RXRA: variants seen among roughly 807,000 people sequenced by gnomAD.
RXRA encodes the protein retinoic acid receptor RXR-alpha.
In RXRA, 5 loss-of-function variants were observed where a neutral mutation model predicts 44.5. That is an observed-to-expected ratio of 0.11 (90% CI 0.06 to 0.24). RXRA has a LOEUF of 0.24. RXRA is among the 10% of genes least tolerant of loss of function. The pLI, the probability that RXRA is intolerant of heterozygous loss-of-function variation, is 1.00. For missense variants in RXRA, 412 were observed against 646.5 expected (o/e 0.64, Z 3.93); for synonymous variants, 291 against 271.4 (o/e 1.07, Z -0.71).
At chr9:134,370,854 G>C (rs114350004) in intron 1 of RXRA, among the ~76,000 whole-genome samples, 2 of 152,232 alleles carry the variant, frequency 1.3e-5, no homozygotes, top group African/African-American at 4.8e-5. Context: ...AGGAGAGAAC[G>C]CTGCCAAGAG....
chr9:134,381,799 G>A (rs1406926736), intron 1 of RXRA, among the ~76,000 whole-genome samples: 2 of 152,116 alleles, frequency 1.3e-5, no homozygotes, highest in East Asian at 1.9e-4. Context: ...CGACCTCCCC[G>A]GGGTGCCCAG....
intron 1 of RXRA, among the ~76,000 whole-genome samples, chr9:134,369,654 C>A (rs1244010285): frequency 6.6e-6 from 1 of 152,154 alleles, no homozygotes; most frequent in South Asian, 2.1e-4. Flanking sequence ...GGGCCTCCTC[C>A]CTGTGGGCAT....
intron 1 of RXRA, among the ~76,000 whole-genome samples, chr9:134,360,578 G>A (rs558472313): frequency 9.9e-5 from 15 of 152,268 alleles, no homozygotes; most frequent in African/African-American, 2.7e-4. Flanking sequence ...CAGGTCGCTC[G>A]CGGTTACCTG....
chr9:134,377,951 G>A (rs377544348), intron 1 of RXRA, among the ~76,000 whole-genome samples: 72 of 152,354 alleles, frequency 4.7e-4, no homozygotes, highest in South Asian at 2.5e-3. Flanking sequence ...AGGTGTGTGC[G>A]GAAGGGCCGA....
chr9:134,333,357 G>C (rs73567677), intron 1 of RXRA, among the ~76,000 whole-genome samples: 13,410 of 152,224 alleles, frequency 0.088, 707 homozygotes, highest in Admixed American at 0.15. Flanking sequence ...CCCAGAGGCC[G>C]TGCCTGGCCT....
intron 1 of RXRA, among the ~76,000 whole-genome samples, chr9:134,352,446 T>C (rs1315641428): frequency 6.6e-6 from 1 of 152,070 alleles, no homozygotes; most frequent in African/African-American, 2.4e-5. Flanking sequence ...AGGCCCCAGG[T>C]GGGCAGCACA....
chr9:134,359,181 C>T (rs768373329), intron 1 of RXRA, among the ~76,000 whole-genome samples: 4 of 151,930 alleles, frequency 2.6e-5, no homozygotes, highest in South Asian at 2.1e-4. Context: ...TCTGAGGGCA[C>T]GGAGAGTGAG....
In RXRA at chr9:134,352,540, G is replaced by A. The variant is rs187635733; in HGVS notation, c.28+25881G>A. On this transcript the variant is annotated intron_variant, in intron 1 of 9. Transcript: ENST00000481739. ...GTGGTCACCCGGCAGTGTGCAGACT[G>A]TGTGGGAACTGGCGTCTGTCCGGAC... Among the ~76,000 whole-genome samples, 1,034 of 152,316 alleles carry A rather than the reference G, an allele frequency of 6.8e-3. 43 individuals are homozygous for A. Among genetic ancestry groups the A allele is most frequent in the Admixed American group, 0.061 (929 of 15,304 alleles).
chr9:134,333,616 C>G (rs182767446), intron 1 of RXRA, among the ~76,000 whole-genome samples: 2 of 152,138 alleles, frequency 1.3e-5, no homozygotes, highest in Non-Finnish European at 2.9e-5. Context: ...GTGCGGCCGC[C>G]GGCTGTAATG....
At position 134,426,190 on chromosome 9, in the gene RXRA, G is replaced by A. The variant is rs1831431850; in HGVS notation, c.911-2918G>A. The A allele has an allele frequency of 1.6e-5, 16 of 985,390 alleles. No individual in the cohort carries two copies. Among genetic ancestry groups the A allele is most frequent in the Non-Finnish European group, 1.9e-5 (16 of 829,906 alleles). The allele number at this position is 985,390 out of a possible 1,614,324, so 61.0% of individuals were successfully genotyped here. A position where few individuals can be genotyped will look rare whatever the true frequency, so the allele number is the denominator to read the frequency against. On this transcript the variant is annotated intron_variant, in intron 6 of 9. Transcript: ENST00000481739. The surrounding 1 kb of genome is among the most constrained non-coding windows in gnomAD (Gnocchi z 4.6). The stretch of plus-strand genomic sequence containing the variant: ...CGCTTGGAGCCTGGAGTAAGACCTG[G>A]TATCCTCTGCATCACTGAGGTCCTC...
At chr9:134,413,184 C>T (rs981831497) in intron 4 of RXRA, among the ~76,000 whole-genome samples, 2 of 152,134 alleles carry the variant, frequency 1.3e-5, no homozygotes, top group Non-Finnish European at 2.9e-5. Flanking sequence ...TCAGGAAGAC[C>T]CCTGCGAGCT....
Position 134,366,313 on chromosome 9 carries a change from C to A in RXRA, c.29-35319C>A, listed in dbSNP as rs565574579. On this transcript the variant is annotated intron_variant, in intron 1 of 9. Coordinates refer to ENST00000481739, the MANE Select transcript of RXRA (RefSeq NM_002957.6). This position sits in a 1 kb window ranked among gnomAD's most constrained non-coding sequence, Gnocchi z 5.9. The stretch of plus-strand genomic sequence containing the variant: ...ACAGCCTCTCCCTCTGCCCACCCCC[C>A]CCATGCCTGCCCTGCCAGCAGGTCC... 5.9e-5 allele frequency among the ~76,000 whole-genome samples: 9 copies of A among 152,190 alleles called. No homozygotes were observed. The highest frequency in any genetic ancestry group is 1.0e-4 in the Non-Finnish European group (7 of 68,016).
intron 1 of RXRA, among the ~76,000 whole-genome samples, chr9:134,381,185 G>A (rs1830639406): frequency 6.6e-6 from 1 of 152,186 alleles, no homozygotes; most frequent in South Asian, 2.1e-4. Context: ...GGGGGACCCT[G>A]GGGAGGGAGA....
chr9:134,390,579 G>A (rs968536009), intron 1 of RXRA, among the ~76,000 whole-genome samples: 1 of 152,210 alleles, frequency 6.6e-6, no homozygotes, highest in East Asian at 1.9e-4. Flanking sequence ...AAGTTTCTGC[G>A]GGGCAGGAGG....
At chr9:134,384,392 C>G (rs572381941) in intron 1 of RXRA, among the ~76,000 whole-genome samples, 13 of 152,348 alleles carry the variant, frequency 8.5e-5, no homozygotes, top group African/African-American at 2.9e-4. Context: ...GAAAGCGAAC[C>G]GTGCTGGGGT....
rs911718794 is a variant in RXRA, at chr9:134,437,340, C to T, written c.*726C>T. 3.3e-5 allele frequency: 5 copies of T among 152,688 alleles called. No homozygotes were observed. The highest frequency in any genetic ancestry group is 5.9e-5 in the Non-Finnish European group (4 of 68,226). 9.5% of individuals were successfully genotyped at this position (152,688 alleles called of 1,614,324 possible). The stretch of plus-strand genomic sequence containing the variant: ...CAGGCTGCAGGGGCGGGTCACTCAC[C>T]CCCCTGTTTTCTCTCTGCCTTGGTG... On this transcript the variant is annotated 3_prime_UTR_variant, in exon 10 of 10. Coordinates refer to ENST00000481739, the MANE Select transcript of RXRA (RefSeq NM_002957.6).
chr9:134,370,825 T>C (rs1830482659), intron 1 of RXRA, among the ~76,000 whole-genome samples: 1 of 152,166 alleles, frequency 6.6e-6, no homozygotes. Context: ...GGTGTGGACA[T>C]GATGAGTGCT....
chr9:134,341,423 C>G (rs1014925383), intron 1 of RXRA, among the ~76,000 whole-genome samples: 1 of 152,148 alleles, frequency 6.6e-6, no homozygotes, highest in Non-Finnish European at 1.5e-5. Flanking sequence ...TGGAGCCGAG[C>G]CCTCCCTGCT....
rs1430582284 is a variant in RXRA, at chr9:134,339,570, C to G, written c.28+12911C>G. ...GTGTGAGTCTCTGCATACCCATGGC[C>G]TTTTGTGAGCCTGTGTGTGTGAGCC... On this transcript the variant is annotated intron_variant, in intron 1 of 9. Coordinates refer to ENST00000481739, the MANE Select transcript of RXRA (RefSeq NM_002957.6). 3.0e-5 allele frequency among the ~76,000 whole-genome samples: 4 copies of G among 135,210 alleles called. No homozygotes were observed. The Admixed American group carries it at 3.0e-4, about 10-fold the overall frequency. The allele number at this position is 135,210 out of a possible 152,430, so 88.7% of individuals were successfully genotyped here.
Sources: gnomAD v4.1 joint callset for allele counts (sites outside exome capture counted in the v4.1 genomes callset) on GRCh38, gnomAD v4.1.1 for gene constraint, Gnocchi (gnomAD v3.1) non-coding constraint, MANE v1.5 for transcripts, NCBI Gene and HGNC (gene_info 2026-07-23, HGNC 2026-07-21) for gene names.